RORA: variants seen among roughly 807,000 people sequenced by gnomAD.
The protein encoded by RORA is RAR related orphan receptor A, also known as nuclear receptor ROR-alpha.
Under a neutral mutation model 69.5 loss-of-function variants are expected in RORA, and 7 were observed. The observed-to-expected ratio is 0.10, with a 90% confidence interval of 0.06 to 0.19. RORA has a LOEUF of 0.19. Among genes scored for constraint, RORA ranks in the 10% least tolerant of loss-of-function variants. The pLI is 1.00. For missense variants in RORA, 457 were observed against 663.0 expected (o/e 0.69, Z 3.41); for synonymous variants, 261 against 240.8 (o/e 1.08, Z -0.78).
intron 1 of RORA, among the ~76,000 whole-genome samples, chr15:61,032,961 G>A (rs1896250178): frequency 6.6e-6 from 1 of 152,104 alleles, no homozygotes; most frequent in South Asian, 2.1e-4. Flanking sequence ...ACTTTGCCAG[G>A]TGCTTTAAAT....
At chr15:60,646,212 A>G (rs2070043651) in intron 2 of RORA, among the ~76,000 whole-genome samples, 2 of 152,242 alleles carry the variant, frequency 1.3e-5, no homozygotes, top group Non-Finnish European at 2.9e-5. Flanking sequence ...CTCTGAAGTC[A>G]TAATTTATCA....
intron 1 of RORA, among the ~76,000 whole-genome samples, chr15:60,828,159 G>A (rs528303697): frequency 3.9e-4 from 60 of 152,308 alleles, no homozygotes; most frequent in South Asian, 3.9e-3. Context: ...AGACAGCTAT[G>A]AGGGAGTGGC....
chr15:60,786,517 G>A (rs746701180), intron 1 of RORA, among the ~76,000 whole-genome samples: 6 of 152,210 alleles, frequency 3.9e-5, no homozygotes, highest in African/African-American at 7.2e-5. Flanking sequence ...CCAGGCAGGT[G>A]GGAAGACAGA....
intron 1 of RORA, among the ~76,000 whole-genome samples, chr15:61,045,495 G>C (rs1896975722): frequency 6.6e-6 from 1 of 152,218 alleles, no homozygotes; most frequent in African/African-American, 2.4e-5. Context: ...TTGCTGCGCT[G>C]AAGTAAAAAG....
At chr15:60,876,172 C>A (rs529616542) in intron 1 of RORA, among the ~76,000 whole-genome samples, 2 of 152,266 alleles carry the variant, frequency 1.3e-5, no homozygotes, top group South Asian at 4.1e-4. Flanking sequence ...TTTCAAGGAA[C>A]TTTAAGCTAA....
intron 1 of RORA, among the ~76,000 whole-genome samples, chr15:61,019,309 G>T (rs548090151): frequency 6.6e-6 from 1 of 152,332 alleles, no homozygotes; most frequent in Admixed American, 6.5e-5. Context: ...TAAAGGAACA[G>T]AATTTTCCCC....
At chr15:60,751,799 A>G (rs2140861468) in intron 1 of RORA, among the ~76,000 whole-genome samples, 1 of 152,272 alleles carries the variant, frequency 6.6e-6, no homozygotes, top group Admixed American at 6.5e-5. Context: ...CCCAGGGAGG[A>G]GGAACAGAGC....
At chr15:60,611,089 G>C (rs1212451549) in intron 2 of RORA, among the ~76,000 whole-genome samples, 4 of 152,174 alleles carry the variant, frequency 2.6e-5, no homozygotes, top group African/African-American at 9.7e-5. Flanking sequence ...TCTAAGTAGG[G>C]ACAAGTTAAA....
At chr15:61,148,191 C>T (rs1196526762) in intron 1 of RORA, among the ~76,000 whole-genome samples, 1 of 152,110 alleles carries the variant, frequency 6.6e-6, no homozygotes, top group African/African-American at 2.4e-5. Context: ...AGGATCAGGC[C>T]ACAGCAGTGA....
chr15:60,903,386 C>T (rs1317325476), intron 1 of RORA, among the ~76,000 whole-genome samples: 4 of 152,118 alleles, frequency 2.6e-5, no homozygotes, highest in South Asian at 2.1e-4. Context: ...CTGTTGGACG[C>T]GTTTATGGGC....
chr15:60,977,602 A>G (rs967577947), intron 1 of RORA, among the ~76,000 whole-genome samples: 1 of 152,202 alleles, frequency 6.6e-6, no homozygotes, highest in African/African-American at 2.4e-5. Context: ...CATAGCTGTT[A>G]GCAGACAATC....
intron 2 of RORA, among the ~76,000 whole-genome samples, chr15:60,617,678 AGAGAG>A (rs1444344125): frequency 6.6e-6 from 1 of 151,206 alleles, no homozygotes; most frequent in African/African-American, 2.4e-5. Context: ...AGAGAGAGAG[AGAGAG>A]AGAGAGAGAA....
intron 1 of RORA, among the ~76,000 whole-genome samples, chr15:61,193,392 T>A (rs997064909): frequency 6.6e-6 from 1 of 152,204 alleles, no homozygotes; most frequent in African/African-American, 2.4e-5. Flanking sequence ...TGAACCAGCC[T>A]AAGCTAGTGA....
intron 2 of RORA, among the ~76,000 whole-genome samples, chr15:60,655,043 T>C (rs149802305): frequency 1.6e-4 from 24 of 152,272 alleles, no homozygotes; most frequent in African/African-American, 5.8e-4. Flanking sequence ...CTGCATCTCT[T>C]ATGTCTAGTA....
At chr15:60,682,292 ATG>A (rs2070655079) in intron 1 of RORA, 1 of 152,234 alleles carries the variant, frequency 6.6e-6, no homozygotes, top group African/African-American at 2.4e-5. Context: ...AGTGAAAGCT[ATG>A]CCATTGCTAC....
At chr15:60,840,210 T>C (rs1174398210) in intron 1 of RORA, among the ~76,000 whole-genome samples, 1 of 152,196 alleles carries the variant, frequency 6.6e-6, no homozygotes, top group Non-Finnish European at 1.5e-5. Context: ...TTTGACAGCC[T>C]GTTTCTTGGG....
intron 2 of RORA, among the ~76,000 whole-genome samples, chr15:60,562,757 G>A (rs1370864297): frequency 6.6e-6 from 1 of 151,778 alleles, no homozygotes; most frequent in Non-Finnish European, 1.5e-5. Context: ...TGAATTTTTT[G>A]TAGAGATAGG....
At chr15:60,787,395 A>C (rs2072352131) in intron 1 of RORA, among the ~76,000 whole-genome samples, 1 of 152,230 alleles carries the variant, frequency 6.6e-6, no homozygotes, top group Non-Finnish European at 1.5e-5. Context: ...GCATTTCTTC[A>C]CAACATTTCC....
intron 2 of RORA, among the ~76,000 whole-genome samples, chr15:60,638,728 T>G (rs1189779283): frequency 6.6e-6 from 1 of 152,230 alleles, no homozygotes. Flanking sequence ...TCTTTTGTAG[T>G]GGGCTTTTTT....
Sources: gnomAD v4.1 joint callset for allele counts (sites outside exome capture counted in the v4.1 genomes callset) on GRCh38, gnomAD v4.1.1 for gene constraint, MANE v1.5 for transcripts, NCBI Gene and HGNC (gene_info 2026-07-23, HGNC 2026-07-21) for gene names.